CACNB4: variants seen among roughly 807,000 people sequenced by gnomAD.
CACNB4 encodes voltage-dependent L-type calcium channel subunit beta-4.
In CACNB4, 32 loss-of-function variants were observed where a neutral mutation model predicts 71.2. The observed-to-expected ratio is 0.45, with a 90% CI of 0.34 to 0.60. CACNB4 has a LOEUF of 0.60. Among genes scored for constraint, CACNB4 ranks in the 20% least tolerant of loss-of-function variants. The pLI, the probability that CACNB4 is intolerant of heterozygous loss-of-function variation, is 0.01. For missense variants in CACNB4, 464 were observed against 647.9 expected, an observed-to-expected ratio of 0.72 and a Z score of 3.08; for synonymous variants, 231 against 236.9, an observed-to-expected ratio of 0.97 and a Z score of 0.23.
At chr2:151,929,683 A>G (rs2099861146) in intron 2 of CACNB4, among the ~76,000 whole-genome samples, 1 of 152,238 alleles carries the variant, frequency 6.6e-6, no homozygotes, top group Non-Finnish European at 1.5e-5. Context: ...AGAACTGCAT[A>G]AATTGATTAC....
Position 152,096,168 on chromosome 2 carries a change from C to T in CACNB4, c.147+2162G>A, listed in dbSNP as rs115150154. ...TGAATGAGATCATGTGTAGTATACT[C>T]AGTGAGTTGTAAAGTGCTCATAAAA... On this transcript the variant is annotated intron_variant, in intron 2 of 13. Transcript: ENST00000539935. Among the ~76,000 whole-genome samples, 1,317 of 152,140 alleles carry T rather than the reference C, an allele frequency of 8.7e-3. 25 individuals carry two copies. Among genetic ancestry groups the T allele is most frequent in the African/African-American group, 0.03 (1,257 of 41,482 alleles).
In CACNB4 at chr2:151,935,399, C is replaced by A. The variant is rs150954679; in HGVS notation, c.148-52029G>T. ...AAGGATTTCTTGAGTAAAAGTGAGACAATGCATCAAAGCCCTTAGCATGAG... is the reference window on the plus strand; with the variant it reads ...AAGGATTTCTTGAGTAAAAGTGAGAAAATGCATCAAAGCCCTTAGCATGAG... On this transcript the variant is annotated intron_variant, in intron 2 of 13. Transcript: ENST00000539935. Among the ~76,000 whole-genome samples, 549 of 152,296 alleles carry A rather than the reference C, an allele frequency of 3.6e-3. 1 individual carries two copies. Among genetic ancestry groups the A allele is most frequent in the Non-Finnish European group, 5.4e-3 (364 of 68,016 alleles).
At chr2:152,029,687 T>C (rs1378275881) in intron 2 of CACNB4, among the ~76,000 whole-genome samples, 1 of 151,972 alleles carries the variant, frequency 6.6e-6, no homozygotes, top group Non-Finnish European at 1.5e-5. Context: ...GTGATGGTAT[T>C]AGGAGGTGGG....
At chr2:152,030,682 G>C (rs954946899) in intron 2 of CACNB4, among the ~76,000 whole-genome samples, 4 of 152,152 alleles carry the variant, frequency 2.6e-5, no homozygotes, top group African/African-American at 9.7e-5. Context: ...CCACCTATGA[G>C]TGAGAACATG....
At chr2:152,049,099 A>G (rs1298883991) in intron 2 of CACNB4, among the ~76,000 whole-genome samples, 2 of 151,772 alleles carry the variant, frequency 1.3e-5, no homozygotes, top group Admixed American at 1.3e-4. Context: ...ATCTTTACCC[A>G]TCATAACTTG....
chr2:151,951,001 G>C (rs1037881661), intron 2 of CACNB4, among the ~76,000 whole-genome samples: 17 of 152,198 alleles, frequency 1.1e-4, no homozygotes, highest in African/African-American at 4.1e-4. Flanking sequence ...CTGGAGTGCA[G>C]TGGCACAATT....
intron 2 of CACNB4, among the ~76,000 whole-genome samples, chr2:152,061,454 G>T (rs751502379): frequency 6.6e-6 from 1 of 152,050 alleles, no homozygotes; most frequent in Admixed American, 6.6e-5. Context: ...AATAACTCAT[G>T]TAATCTATCA....
intron 2 of CACNB4, among the ~76,000 whole-genome samples, chr2:152,089,291 C>A (rs1327953960): frequency 6.6e-6 from 1 of 152,162 alleles, no homozygotes; most frequent in Admixed American, 6.5e-5. Context: ...GGGATAACAG[C>A]CCAGCTCTTC....
chr2:151,850,141 C>CTTTCTTTCTTTTTTTTT (rs1553744905), intron 12 of CACNB4: 3 of 98,162 alleles, frequency 3.1e-5, no homozygotes, highest in Non-Finnish European at 3.7e-5. Context: ...TTCTTTCTTT[C>CTTTCTTTCTTTTTTTTT]TTTTTTTTTT....
chr2:152,060,885 T>A (rs1181508731), intron 2 of CACNB4, among the ~76,000 whole-genome samples: 2 of 152,232 alleles, frequency 1.3e-5, no homozygotes, highest in Admixed American at 6.5e-5. Flanking sequence ...TGTGTGCATA[T>A]ACACAGAAAA....
At chr2:151,956,573 G>T (rs900771929) in intron 2 of CACNB4, among the ~76,000 whole-genome samples, 2 of 152,156 alleles carry the variant, frequency 1.3e-5, no homozygotes, top group Admixed American at 1.3e-4. Flanking sequence ...TCTTTTTGGG[G>T]TGATTAAAAT....
At chr2:152,031,676 G>A (rs1026287695) in intron 2 of CACNB4, among the ~76,000 whole-genome samples, 5 of 152,070 alleles carry the variant, frequency 3.3e-5, no homozygotes, top group Non-Finnish European at 5.9e-5. Flanking sequence ...CCTCCCGGCC[G>A]CCATTAATCC....
intron 2 of CACNB4, among the ~76,000 whole-genome samples, chr2:151,934,043 T>C (rs1006342057): frequency 6.6e-5 from 10 of 152,160 alleles, no homozygotes; most frequent in Admixed American, 1.3e-4. Context: ...AGCTGAACTA[T>C]ATAAAGTTTG....
intron 12 of CACNB4, chr2:151,853,227 C>T (rs748920254): frequency 2.6e-5 from 12 of 461,956 alleles, no homozygotes; most frequent in South Asian, 1.2e-4. Context: ...GAACAGACCC[C>T]GGACACTAAG....
At chr2:152,088,140 A>AACACACACACACACAC (rs55688548) in intron 2 of CACNB4, among the ~76,000 whole-genome samples, 15 of 137,026 alleles carry the variant, frequency 1.1e-4, no homozygotes, top group African/African-American at 3.2e-4. Context: ...TTCCCCACTT[A>AACACACACACACACAC]ACACACACAC....
rs577337942 is a variant in CACNB4 at position 151,939,491 on chromosome 2, G to A, written c.148-56121C>T. Among the ~76,000 whole-genome samples, 3 of 152,254 alleles carry A rather than the reference G, an allele frequency of 2.0e-5. No individual in the cohort carries two copies. The East Asian group carries it at 5.8e-4, about 29-fold the overall frequency. On this transcript the variant is annotated intron_variant, in intron 2 of 13. Transcript: ENST00000539935. ...GGGTCCATGCAAAATAAATGAAAAT[G>A]GCCAAGGACTTTCCTTAAAAGAAAA... is the stretch of plus-strand genomic sequence containing the variant.
intron 2 of CACNB4, among the ~76,000 whole-genome samples, chr2:151,987,805 C>A (rs901418221): frequency 3.3e-5 from 5 of 152,144 alleles, no homozygotes; most frequent in East Asian, 3.8e-4. Flanking sequence ...AGTTTCGATG[C>A]GACCCACCAA....
At position 151,835,407 on chromosome 2, in the gene CACNB4, T is replaced by A. The variant is rs760113550; in HGVS notation, c.*3712A>T. 6.6e-6 allele frequency: 1 copy of A among 151,898 alleles called. No individual in the cohort carries two copies. Among genetic ancestry groups the A allele is most frequent in the Non-Finnish European group, 1.5e-5 (1 of 67,770 alleles). The allele number at this position is 151,898 out of a possible 1,614,324, so 9.4% of individuals were successfully genotyped here. ...GCAGCAAGGTTAGCCAGAATAGTGA[T>A]AATTTTGATCACTACTTATTGACCA... On this transcript the variant is annotated 3_prime_UTR_variant, in exon 14 of 14. Transcript: ENST00000539935.
chr2:152,032,410 A>T (rs1483291965), intron 2 of CACNB4, among the ~76,000 whole-genome samples: 1 of 152,238 alleles, frequency 6.6e-6, no homozygotes, highest in East Asian at 1.9e-4. Context: ...TAAATTGTTA[A>T]CTTGCTACTA....
Sources: allele counts gnomAD v4.1 joint callset (sites outside exome capture counted in the v4.1 genomes callset), GRCh38; gene constraint gnomAD v4.1.1; transcripts MANE v1.5; gene names NCBI Gene and HGNC (gene_info 2026-07-23, HGNC 2026-07-21).